The following BTRC variants were observed in gnomAD, a reference collection of about 807,000 sequenced individuals.
The protein encoded by BTRC is beta-transducin repeat containing E3 ubiquitin protein ligase, also known as F-box/WD repeat-containing protein 1A.
A neutral mutation model predicts 85.5 loss-of-function variants in BTRC; 42 were observed. The ratio of observed to expected loss-of-function variants is 0.49; its 90% confidence interval spans 0.38 to 0.64. BTRC has a LOEUF of 0.64. Ranked by LOEUF, BTRC falls within the 30% of genes least tolerant of loss-of-function variation. The probability of loss-of-function intolerance (pLI) is 0.00; values close to 1 mark genes in which losing one functional copy is unlikely to be tolerated. For synonymous variants in BTRC, 255 were observed against 263.3 expected (o/e 0.97, Z 0.30); for missense variants, 594 against 743.5 (o/e 0.80, Z 2.34).
At chr10:101,453,608 T>G (rs886238770) in intron 2 of BTRC, 26 of 152,234 alleles carry the variant, frequency 1.7e-4, no homozygotes, top group African/African-American at 6.3e-4. Flanking sequence ...ATTAGTTTAA[T>G]TTTTTATTTG....
chr10:101,552,154 T>TTTTTA (rs1055617418), intron 14 of BTRC, among the ~76,000 whole-genome samples: 116 of 151,870 alleles, frequency 7.6e-4, no homozygotes, highest in African/African-American at 1.7e-3. Context: ...TTTCTTATTA[T>TTTTTA]TTTTATTTTA....
chr10:101,462,726 T>C (rs1158910368), intron 3 of BTRC, among the ~76,000 whole-genome samples: 1 of 150,598 alleles, frequency 6.6e-6, no homozygotes, highest in African/African-American at 2.4e-5. Flanking sequence ...CAATAGAAGG[T>C]AACACATTTT....
rs370353886 is a variant in BTRC at position 101,383,057 on chromosome 10, ATTTTTTTTTT to A, written c.48+28842_48+28851del. On this transcript the variant is annotated intron_variant, in intron 1 of 14. Transcript: ENST00000370187. ...AGGACTTGTTGGGCCTTCCCTGGAG[ATTTTTTTTTT>A]TTTTTTTTTTTTCTGAGACAGGGTC... Among the ~76,000 whole-genome samples the A allele has an allele frequency of 2.6e-5, 3 of 116,486 alleles. No individual in the cohort carries two copies. In the South Asian group the frequency reaches 8.8e-4, roughly 34 times the overall value. The allele number at this position is 116,486 out of a possible 152,430, so 76.4% of individuals were successfully genotyped here.
intron 1 of BTRC, among the ~76,000 whole-genome samples, chr10:101,427,424 G>A (rs1416829705): frequency 1.3e-5 from 2 of 149,866 alleles, no homozygotes; most frequent in Admixed American, 6.6e-5. Context: ...CCTGTGTACA[G>A]CATTTCTTAT....
chr10:101,543,995 C>T (rs1180946307), intron 13 of BTRC, among the ~76,000 whole-genome samples: 2 of 152,202 alleles, frequency 1.3e-5, no homozygotes, highest in African/African-American at 4.8e-5. Flanking sequence ...CTGCAACCTC[C>T]GCCTCCCAGG....
intron 1 of BTRC, among the ~76,000 whole-genome samples, chr10:101,385,392 A>G (rs1943043575): frequency 6.6e-6 from 1 of 150,560 alleles, no homozygotes; most frequent in African/African-American, 2.4e-5. Context: ...AAAGAAAAGA[A>G]AAAAAGTGAA....
intron 1 of BTRC, among the ~76,000 whole-genome samples, chr10:101,394,316 G>T (rs1337922707): frequency 6.6e-6 from 1 of 152,196 alleles, no homozygotes; most frequent in Non-Finnish European, 1.5e-5. Flanking sequence ...CTAATATAAT[G>T]AATCTTTATA....
chr10:101,549,713 C>CAAA (rs755481178), intron 13 of BTRC, among the ~76,000 whole-genome samples: 2,487 of 42,674 alleles, frequency 0.058, 630 homozygotes, highest in African/African-American at 0.3. Context: ...GACTCTGTCT[C>CAAA]AAAAAAAAAA....
At chr10:101,398,312 T>C (rs1338506470) in intron 1 of BTRC, among the ~76,000 whole-genome samples, 3 of 152,102 alleles carry the variant, frequency 2.0e-5, no homozygotes, top group African/African-American at 7.2e-5. Flanking sequence ...TCTTTTTTTC[T>C]TTTTTTGTTT....
At chr10:101,394,901 T>G (rs866322205) in intron 1 of BTRC, among the ~76,000 whole-genome samples, 42 of 152,280 alleles carry the variant, frequency 2.8e-4, no homozygotes, top group African/African-American at 9.1e-4. Flanking sequence ...AGATGAGGTC[T>G]GAGGTGTTCT....
At chr10:101,532,503 G>A in intron 8 of BTRC, 71 bp downstream of exon 8, 1 of 1,460,180 alleles carries the variant, frequency 6.8e-7, no homozygotes, top group East Asian at 2.4e-5. Context: ...GCAGTCTAAA[G>A]CATAAACTCT....
chr10:101,409,771 G>A (rs1943726270), intron 1 of BTRC, among the ~76,000 whole-genome samples: 1 of 152,186 alleles, frequency 6.6e-6, no homozygotes. Flanking sequence ...ATGTCATTGT[G>A]CAGTGCGTGA....
intron 2 of BTRC, among the ~76,000 whole-genome samples, chr10:101,437,991 A>T (rs1197906815): frequency 6.6e-6 from 1 of 152,176 alleles, no homozygotes; most frequent in Non-Finnish European, 1.5e-5. Flanking sequence ...GAGGATCTGT[A>T]CCCAGAGCAT....
chr10:101,538,250 A>G, intron 12 of BTRC, 43 bp from the exon 13 acceptor site: 1 of 1,507,876 alleles, frequency 6.6e-7, no homozygotes, highest in African/African-American at 1.4e-5. Flanking sequence ...CTTCTCTTAC[A>G]TTTGCTTTTA....
intron 13 of BTRC, among the ~76,000 whole-genome samples, chr10:101,546,403 AT>A (rs200567611): frequency 0.011 from 1,711 of 151,822 alleles, 16 homozygotes; most frequent in Middle Eastern, 0.028. Context: ...ATTGAAATGT[AT>A]TTTTTTTTAA....
chr10:101,517,199 A>G (rs537610158), intron 4 of BTRC, among the ~76,000 whole-genome samples: 1 of 152,288 alleles, frequency 6.6e-6, no homozygotes, highest in South Asian at 2.1e-4. Flanking sequence ...GAAAACATCC[A>G]CCTCAACACA....
intron 1 of BTRC, among the ~76,000 whole-genome samples, chr10:101,371,235 A>G (rs111653217): frequency 6.6e-6 from 1 of 151,216 alleles, no homozygotes; most frequent in Non-Finnish European, 1.5e-5. Flanking sequence ...CCCAGACTGG[A>G]GTGCAATGAA....
intron 9 of BTRC, 83 bp downstream of exon 9, chr10:101,533,153 TC>T: frequency 1.0e-6 from 1 of 953,736 alleles, no homozygotes; most frequent in Non-Finnish European, 1.6e-6. Flanking sequence ...TTTGTATATA[TC>T]GGCACAGTTC....
chr10:101,551,623 G>A (rs12241249), intron 14 of BTRC, among the ~76,000 whole-genome samples: 2,459 of 152,322 alleles, frequency 0.016, 69 homozygotes, highest in African/African-American at 0.056. Flanking sequence ...GCTGAGGAGC[G>A]TTGCTGTCAG....
Sources: allele counts gnomAD v4.1 joint callset (sites outside exome capture counted in the v4.1 genomes callset), GRCh38; gene constraint gnomAD v4.1.1; transcripts MANE v1.5; gene names NCBI Gene and HGNC (gene_info 2026-07-23, HGNC 2026-07-21).